Variants in PRELID2 observed in about 807,000 individuals in gnomAD.
The protein encoded by PRELID2 is PRELI domain-containing protein 2.
In PRELID2, 25 loss-of-function variants were observed where a neutral mutation model predicts 28.4. The ratio of observed to expected loss-of-function variants is 0.88; its 90% CI spans 0.64 to 1.23. The LOEUF (loss-of-function observed/expected upper bound fraction) is 1.23. Among genes scored for constraint, PRELID2 ranks in the 50% most tolerant of loss-of-function variants. The probability of loss-of-function intolerance (pLI) is 0.00; values close to 1 mark genes in which losing one functional copy is unlikely to be tolerated. For missense variants in PRELID2, 201 were observed against 214.4 expected (o/e 0.94, Z 0.39); for synonymous variants, 76 against 71.6 (o/e 1.06, Z -0.31).
At chr5:145,301,267 C>T in the PRELID2 span, among the ~76,000 whole-genome samples, 1 of 152,024 alleles carries the variant, frequency 6.6e-6, no homozygotes, top group Non-Finnish European at 1.5e-5. Context: ...TTTTGATGTA[C>T]TTTTTCACCA....
intron 1 of PRELID2, among the ~76,000 whole-genome samples, chr5:145,718,369 A>C (rs1755897523): frequency 1.3e-5 from 2 of 152,004 alleles, no homozygotes; most frequent in Admixed American, 6.6e-5. Context: ...AAAACTGAAT[A>C]TCTCTCCAGA....
chr5:145,771,297 T>C lies in PRELID2; in HGVS notation c.475-6297A>G, dbSNP rs145052359. ...TGTACCATATAGCCTGGGTATGTTG[T>C]AGGCTCTACCATCTAGGTTTGTGGA... On this transcript the variant is annotated intron_variant, in intron 5 of 6. Transcript: ENST00000683046. 4.3e-3 allele frequency among the ~76,000 whole-genome samples: 656 copies of C among 152,240 alleles called. 5 individuals are homozygous for C. Among genetic ancestry groups the C allele is most frequent in the African/African-American group, 0.012 (494 of 41,562 alleles).
At chr5:145,528,398 A>G (rs1368016466) in intron 1 of PRELID2, among the ~76,000 whole-genome samples, 1 of 152,158 alleles carries the variant, frequency 6.6e-6, no homozygotes, top group Non-Finnish European at 1.5e-5. Flanking sequence ...AAATAAATCT[A>G]TAATGACGGA....
At chr5:145,269,079 A>G in the PRELID2 span, among the ~76,000 whole-genome samples, 1 of 152,138 alleles carries the variant, frequency 6.6e-6, no homozygotes, top group East Asian at 1.9e-4. Flanking sequence ...GAGAAATTCA[A>G]TTTTATTAAG....
chr5:145,341,535 A>G, the PRELID2 span, among the ~76,000 whole-genome samples: 2 of 152,102 alleles, frequency 1.3e-5, no homozygotes, highest in East Asian at 3.9e-4. Flanking sequence ...GTGAGACTCC[A>G]TCTCAAAAAA....
intron 1 of PRELID2, among the ~76,000 whole-genome samples, chr5:145,662,952 G>A (rs1374929839): frequency 1.3e-5 from 2 of 152,092 alleles, no homozygotes; most frequent in Non-Finnish European, 2.9e-5. Context: ...TTCTACACCT[G>A]TAATCGACAG....
At chr5:145,834,765 A>G (rs1755824507) in intron 1 of PRELID2, 1 of 167,296 alleles carries the variant, frequency 6.0e-6, no homozygotes, top group African/African-American at 2.4e-5. Flanking sequence ...CAGCTGTTTA[A>G]TAAGGAGCAG....
intron 1 of PRELID2, among the ~76,000 whole-genome samples, chr5:145,664,260 A>G (rs989071835): frequency 6.6e-6 from 1 of 152,116 alleles, no homozygotes; most frequent in African/African-American, 2.4e-5. Context: ...GAAATCCTCA[A>G]TTGTTTCTCT....
At chr5:145,562,522 T>C (rs1180623642) in intron 1 of PRELID2, among the ~76,000 whole-genome samples, 1 of 152,202 alleles carries the variant, frequency 6.6e-6, no homozygotes, top group African/African-American at 2.4e-5. Flanking sequence ...GGTGCACCCA[T>C]TGCCTGCCTG....
chr5:145,285,647 A>C, the PRELID2 span, among the ~76,000 whole-genome samples: 1 of 152,194 alleles, frequency 6.6e-6, no homozygotes, highest in Non-Finnish European at 1.5e-5. Context: ...CAACCACAAC[A>C]ACAACAACAG....
the PRELID2 span, among the ~76,000 whole-genome samples, chr5:145,436,617 A>G: frequency 6.6e-6 from 1 of 151,806 alleles, no homozygotes; most frequent in Non-Finnish European, 1.5e-5. Context: ...TTTGTTTTTT[A>G]CGTTTTAATA....
the PRELID2 span, among the ~76,000 whole-genome samples, chr5:145,270,029 A>G: frequency 3.3e-5 from 5 of 151,724 alleles, no homozygotes; most frequent in African/African-American, 1.2e-4. Context: ...TTAAAAGCAC[A>G]ATAAGATACA....
At chr5:145,606,022 T>G (rs1417968435) in intron 1 of PRELID2, among the ~76,000 whole-genome samples, 1 of 152,140 alleles carries the variant, frequency 6.6e-6, no homozygotes, top group Non-Finnish European at 1.5e-5. Flanking sequence ...TTATTCTTTT[T>G]GTGGTTATTA....
intron 1 of PRELID2, among the ~76,000 whole-genome samples, chr5:145,481,647 A>AAAAAAAAAAAAAAAAAAAG (rs1752162495): frequency 7.5e-6 from 1 of 134,212 alleles, no homozygotes; most frequent in African/African-American, 2.6e-5. Flanking sequence ...AAAAAAAAAA[A>AAAAAAAAAAAAAAAAAAAG]AAAAAAGAAA....
At chr5:145,742,219 T>C (rs1421736173) in intron 1 of PRELID2, among the ~76,000 whole-genome samples, 2 of 140,064 alleles carry the variant, frequency 1.4e-5, no homozygotes, top group Admixed American at 7.4e-5. Context: ...TACATTTTTA[T>C]TTATATATAA....
chr5:145,424,042 C>T, the PRELID2 span, among the ~76,000 whole-genome samples: 7 of 148,120 alleles, frequency 4.7e-5, no homozygotes, highest in Admixed American at 4.7e-4. Context: ...CCCAGTTAGG[C>T]TGCTCGGGGG....
chr5:145,549,972 C>T (rs1168367157), intron 1 of PRELID2, among the ~76,000 whole-genome samples: 1 of 152,070 alleles, frequency 6.6e-6, no homozygotes, highest in East Asian at 1.9e-4. Flanking sequence ...GTTGGAAAGT[C>T]CTGCCACAAG....
At chr5:145,617,480 G>T (rs1025783601) in intron 1 of PRELID2, among the ~76,000 whole-genome samples, 3 of 152,116 alleles carry the variant, frequency 2.0e-5, no homozygotes, top group Non-Finnish European at 4.4e-5. Flanking sequence ...CCTCCGTTCG[G>T]GGTTCCTGAC....
intron 3 of PRELID2, among the ~76,000 whole-genome samples, chr5:145,818,275 A>G (rs1754516892): frequency 6.6e-6 from 1 of 152,190 alleles, no homozygotes; most frequent in Non-Finnish European, 1.5e-5. Flanking sequence ...TATGTAGGCT[A>G]TACAGTCTCT....
Sources: allele counts gnomAD v4.1 joint callset (sites outside exome capture counted in the v4.1 genomes callset), GRCh38; gene constraint gnomAD v4.1.1; transcripts MANE v1.5; gene names NCBI Gene and HGNC (gene_info 2026-07-23, HGNC 2026-07-21).